SLC4A4: variants seen among roughly 807,000 people sequenced by gnomAD.
SLC4A4 encodes the protein solute carrier family 4 member 4.
In SLC4A4, 27 loss-of-function variants were observed where a neutral mutation model predicts 111.5. That is an observed-to-expected ratio of 0.24 (90% CI 0.18 to 0.33). The LOEUF is 0.33. SLC4A4 is among the 10% of genes least tolerant of loss of function. The pLI, the probability that SLC4A4 is intolerant of heterozygous loss-of-function variation, is 1.00. For missense variants in SLC4A4, 909 were observed against 1,315.5 expected (o/e 0.69, Z 4.78); for synonymous variants, 443 against 463.4 (o/e 0.96, Z 0.57).
At chr4:71,457,261 A>G (rs1233452944) in intron 12 of SLC4A4, among the ~76,000 whole-genome samples, 1 of 152,186 alleles carries the variant, frequency 6.6e-6, no homozygotes, top group Non-Finnish European at 1.5e-5. Context: ...TATGTTCAAA[A>G]TAGAACAGTT....
intron 16 of SLC4A4, among the ~76,000 whole-genome samples, chr4:71,527,745 T>G (rs1311442989): frequency 1.3e-5 from 2 of 152,104 alleles, no homozygotes; most frequent in African/African-American, 4.8e-5. Context: ...ACTATTTGTC[T>G]TCCTTCAGTA....
At chr4:71,439,468 A>AAAAAAAAAAAG (rs1560509648) in intron 7 of SLC4A4, among the ~76,000 whole-genome samples, 3 of 138,426 alleles carry the variant, frequency 2.2e-5, no homozygotes, top group Non-Finnish European at 4.8e-5. Context: ...AAAAAAAAAA[A>AAAAAAAAAAAG]AAAGAAAAGA....
At chr4:71,111,544 T>TCG (rs1384831998) in intron 2 of SLC4A4, among the ~76,000 whole-genome samples, 2 of 142,562 alleles carry the variant, frequency 1.4e-5, no homozygotes, top group African/African-American at 5.3e-5. Flanking sequence ...TTTTTTTTTT[T>TCG]TTTTTTTTGT....
At chr4:71,281,509 C>G (rs1344822040) in intron 3 of SLC4A4, among the ~76,000 whole-genome samples, 2 of 152,124 alleles carry the variant, frequency 1.3e-5, no homozygotes, top group Non-Finnish European at 2.9e-5. Context: ...GGCCTTGACC[C>G]TAGGCAGTCT....
intron 3 of SLC4A4, among the ~76,000 whole-genome samples, chr4:71,285,498 G>C (rs58111860): frequency 0.037 from 5,581 of 152,184 alleles, 348 homozygotes; most frequent in African/African-American, 0.13. Flanking sequence ...CAAGTTTACT[G>C]GGGGCTGGGG....
At chr4:71,440,902 T>G in intron 8 of SLC4A4, 129 bp downstream of exon 8, 1 of 1,010,780 alleles carries the variant, frequency 9.9e-7, no homozygotes, top group Non-Finnish European at 1.5e-6. Flanking sequence ...CTTGAAATAA[T>G]GACTGTTTGA....
chr4:71,554,372 G>T (rs539386899), intron 20 of SLC4A4, among the ~76,000 whole-genome samples: 1 of 151,862 alleles, frequency 6.6e-6, no homozygotes, highest in East Asian at 1.9e-4. Flanking sequence ...AATCATCCTT[G>T]ATTTGCTTAG....
chr4:71,246,952 T>C (rs553111702), intron 2 of SLC4A4, among the ~76,000 whole-genome samples: 1 of 152,148 alleles, frequency 6.6e-6, no homozygotes, highest in Non-Finnish European at 1.5e-5. Flanking sequence ...ACTTTAAAAG[T>C]GTGATTATGT....
chr4:71,534,117 C>G, intron 17 of SLC4A4, 110 bp from the exon 18 acceptor site: 1 of 863,284 alleles, frequency 1.2e-6, no homozygotes, highest in East Asian at 2.6e-5. Flanking sequence ...TTATATTTCT[C>G]AATATGTTGG....
At chr4:71,342,125 G>T (rs922898744) in intron 4 of SLC4A4, among the ~76,000 whole-genome samples, 2 of 152,066 alleles carry the variant, frequency 1.3e-5, no homozygotes, top group Non-Finnish European at 2.9e-5. Flanking sequence ...CTCCTCATCT[G>T]TAATACTTTC....
intron 3 of SLC4A4, among the ~76,000 whole-genome samples, chr4:71,277,972 C>T (rs1222899999): frequency 1.3e-5 from 2 of 152,142 alleles, no homozygotes; most frequent in African/African-American, 4.8e-5. Flanking sequence ...TTAAGACCTA[C>T]TTGTAGCAAA....
chr4:71,279,648 G>T (rs1723345896), intron 3 of SLC4A4, among the ~76,000 whole-genome samples: 1 of 152,108 alleles, frequency 6.6e-6, no homozygotes, highest in Admixed American at 6.5e-5. Flanking sequence ...CCAGAAATGG[G>T]ATTTCTTGAT....
At chr4:71,424,996 TA>T (rs368989609) in intron 7 of SLC4A4, among the ~76,000 whole-genome samples, 4,242 of 151,034 alleles carry the variant, frequency 0.028, 197 homozygotes, top group African/African-American at 0.096. Context: ...ATAATAATAA[TA>T]AAAAAAAAGA....
chr4:71,184,084 G>A (rs1031411854), upstream of SLC4A4, among the ~76,000 whole-genome samples: 2 of 152,102 alleles, frequency 1.3e-5, no homozygotes, highest in East Asian at 1.9e-4. Context: ...ATGGTGACAA[G>A]CCATCACTCT....
intron 2 of SLC4A4, among the ~76,000 whole-genome samples, chr4:71,107,781 C>A (rs1380562390): frequency 4.0e-5 from 6 of 151,824 alleles, no homozygotes; most frequent in Non-Finnish European, 8.8e-5. Flanking sequence ...GATCATAGCT[C>A]ATTGCAGCCT....
chr4:71,207,683 T>C (rs1175663547), intron 1 of SLC4A4, among the ~76,000 whole-genome samples: 5 of 152,228 alleles, frequency 3.3e-5, no homozygotes, highest in African/African-American at 1.2e-4. Context: ...ACTTCATGGT[T>C]TTTCAAGTTA....
At chr4:71,219,380 T>G (rs994444462) in intron 1 of SLC4A4, among the ~76,000 whole-genome samples, 1 of 152,194 alleles carries the variant, frequency 6.6e-6, no homozygotes, top group Non-Finnish European at 1.5e-5. Flanking sequence ...GTACATCTGT[T>G]TATAGCATGA....
chr4:71,491,023 T>C (rs992736558), intron 15 of SLC4A4, among the ~76,000 whole-genome samples: 1 of 103,278 alleles, frequency 9.7e-6, no homozygotes, highest in Non-Finnish European at 2.8e-5. Context: ...GTGAGTTTTT[T>C]AAAACTATGA....
At chr4:71,207,587 A>G (rs1445409206) in intron 1 of SLC4A4, among the ~76,000 whole-genome samples, 1 of 152,228 alleles carries the variant, frequency 6.6e-6, no homozygotes, top group Non-Finnish European at 1.5e-5. Flanking sequence ...TTGAAATCAG[A>G]TAGCCTTAGA....
Sources: allele counts gnomAD v4.1 joint callset (sites outside exome capture counted in the v4.1 genomes callset), GRCh38; gene constraint gnomAD v4.1.1; transcripts MANE v1.5; gene names NCBI Gene and HGNC (gene_info 2026-07-23, HGNC 2026-07-21).